PSTPIP1: variants seen among roughly 807,000 people sequenced by gnomAD.
The protein encoded by PSTPIP1 is proline-serine-threonine phosphatase interacting protein 1, also known as proline-serine-threonine phosphatase-interacting protein 1.
Under a neutral mutation model 69.6 loss-of-function variants are expected in PSTPIP1, and 66 were observed. The ratio of observed to expected loss-of-function variants is 0.95; its 90% CI spans 0.78 to 1.16. PSTPIP1 has a LOEUF of 1.16. Ranked by LOEUF, PSTPIP1 falls within the 50% of genes most tolerant of loss-of-function variation. The probability of loss-of-function intolerance (pLI) is 0.00; values close to 1 mark genes in which losing one functional copy is unlikely to be tolerated. For missense variants in PSTPIP1, 603 were observed against 557.4 expected, an observed-to-expected ratio of 1.08 and a Z score of -0.82; for synonymous variants, 266 against 222.7, an observed-to-expected ratio of 1.19 and a Z score of -1.73.
chr15:77,033,020 C>T, intron 12 of PSTPIP1, 68 bp downstream of exon 12: 2 of 1,449,412 alleles, frequency 1.4e-6, no homozygotes, highest in Non-Finnish European at 9.5e-7. Context: ...CCCTCCTCTG[C>T]ACCTGGCCCT....
At chr15:77,020,941 C>T (rs1476632240) in intron 3 of PSTPIP1, among the ~76,000 whole-genome samples, 2 of 152,140 alleles carry the variant, frequency 1.3e-5, no homozygotes, top group Non-Finnish European at 2.9e-5. Flanking sequence ...TGGTGGCCCA[C>T]CCTCCAGGGC....
rs143536570 is a variant in PSTPIP1, at chr15:77,035,604, T to TG, written c.985+48dup. ...AGGGGACCCCCAAACACACTGATCC[T>TG]GGGGGGGAGGAGAGGTCTCCCACAT... On this transcript the variant is annotated intron_variant, in intron 13 of 14. Transcript: ENST00000558012. The TG allele has an allele frequency of 1.4e-4, 224 of 1,546,732 alleles. 1 individual carries two copies. Among genetic ancestry groups the TG allele is most frequent in the South Asian group, 6.1e-4 (52 of 84,558 alleles).
Position 77,032,892 on chromosome 15 carries a change from G to C in PSTPIP1, c.869G>C (p.Arg290Pro), listed in dbSNP as rs761580488. 6.2e-7 allele frequency: 1 copy of C among 1,602,630 alleles called. No individual in the cohort carries two copies. The highest frequency in any genetic ancestry group is 8.5e-7 in the Non-Finnish European group (1 of 1,175,254). Residue 290 changes from arginine (R) to proline (P), a missense_variant, in exon 12 of 15, where the codon CGG becomes CCG. By Grantham distance (103) the Arg-to-Pro change is moderately radical. Coordinates refer to ENST00000558012, the MANE Select transcript of PSTPIP1 (RefSeq NM_003978.5). ...GTGCCCTACCAGAACTATTACGATC[G>C]GGAGGTCACCCCGCTGACCAGCAGC... ...APVPYQNYYDREVTPLTSSPG... is the reference protein window; with the variant it reads ...APVPYQNYYDPEVTPLTSSPG...
At chr15:77,030,453 G>A in intron 8 of PSTPIP1, 49 bp from the exon 9 acceptor site, 1 of 1,578,562 alleles carries the variant, frequency 6.3e-7, no homozygotes, top group Non-Finnish European at 8.6e-7. Context: ...GAGTACAGGG[G>A]TGGAGGAGCT....
intron 1 of PSTPIP1, among the ~76,000 whole-genome samples, chr15:77,014,783 G>C (rs1465080211): frequency 6.6e-6 from 1 of 152,240 alleles, no homozygotes; most frequent in Non-Finnish European, 1.5e-5. Context: ...CCAGTAGGCT[G>C]TCCCTGACAG....
chr15:77,004,908 A>G (rs543647921), intron 1 of PSTPIP1, among the ~76,000 whole-genome samples: 8 of 152,134 alleles, frequency 5.3e-5, no homozygotes, highest in Non-Finnish European at 1.0e-4. Flanking sequence ...AAAGAGAAGC[A>G]GAGAGCCAGA....
At chr15:77,003,056 A>G (rs1296455984) in intron 1 of PSTPIP1, among the ~76,000 whole-genome samples, 1 of 152,230 alleles carries the variant, frequency 6.6e-6, no homozygotes, top group Non-Finnish European at 1.5e-5. Context: ...AAGGGAAGGC[A>G]CGAGCTGGAT....
intron 8 of PSTPIP1, 94 bp downstream of exon 8, chr15:77,029,668 C>A (rs998022778): frequency 2.2e-6 from 3 of 1,360,122 alleles, no homozygotes; most frequent in Non-Finnish European, 2.0e-6. Context: ...ACACACTCCC[C>A]CTGGCTGCAC....
Position 77,037,318 on chromosome 15 carries a change from G to A in PSTPIP1, c.*142G>A. On this transcript the variant is annotated 3_prime_UTR_variant, in exon 15 of 15. Transcript: ENST00000558012. ...CTGTCGTCTCCCAGGGAATAAAGGAGTGCGTTCTGTTCTCCTTGGTGTGCT... is the reference window on the plus strand; with the variant it reads ...CTGTCGTCTCCCAGGGAATAAAGGAATGCGTTCTGTTCTCCTTGGTGTGCT... The A allele has an allele frequency of 8.8e-7, 1 of 1,133,020 alleles. No homozygotes were observed. The highest frequency in any genetic ancestry group is 1.2e-6 in the Non-Finnish European group (1 of 822,404). 70.2% of individuals were successfully genotyped at this position (1,133,020 alleles called of 1,614,324 possible).
At chr15:76,999,122 G>T (rs1032255595) in intron 1 of PSTPIP1, among the ~76,000 whole-genome samples, 2 of 152,162 alleles carry the variant, frequency 1.3e-5, no homozygotes, top group African/African-American at 4.8e-5. Flanking sequence ...TCCACTCCCA[G>T]CAGGTGGCCA....
intron 3 of PSTPIP1, among the ~76,000 whole-genome samples, chr15:77,019,664 A>G (rs34192860): frequency 0.58 from 88,490 of 152,040 alleles, 28,454 homozygotes; most frequent in Middle Eastern, 0.74. Flanking sequence ...TAGCCTCTCC[A>G]AGTTTGTTTC....
intron 1 of PSTPIP1, among the ~76,000 whole-genome samples, chr15:77,005,675 G>A (rs377073641): frequency 3.3e-4 from 50 of 152,180 alleles, no homozygotes; most frequent in African/African-American, 1.1e-3. Context: ...GTTCTACCTC[G>A]ATTCTACTTT....
chr15:77,037,271 TC>T lies in PSTPIP1; in HGVS notation c.*100del. Reference sequence around the variant, plus strand: ...CCTTGCTAGGGCCCAGAACCAAGCGTCCCCCAGCCCCGAGAGGGAGCCTGTC... The same window carrying T: ...CCTTGCTAGGGCCCAGAACCAAGCGTCCCCAGCCCCGAGAGGGAGCCTGTC... On this transcript the variant is annotated 3_prime_UTR_variant, in exon 15 of 15. Transcript: ENST00000558012. 2 of 1,466,144 alleles carry T rather than the reference TC, an allele frequency of 1.4e-6. No individual in the cohort carries two copies. The highest frequency in any genetic ancestry group is 9.2e-7 in the Non-Finnish European group (1 of 1,092,478). 90.8% of individuals were successfully genotyped at this position (1,466,144 alleles called of 1,614,324 possible).
chr15:77,025,230 T>C (rs1318953304), intron 3 of PSTPIP1, 54 bp from the exon 4 acceptor site: 1 of 1,552,484 alleles, frequency 6.4e-7, no homozygotes, highest in Non-Finnish European at 8.9e-7. Flanking sequence ...CAGCCTGGAC[T>C]GTAGGTTCCC....
intron 5 of PSTPIP1, chr15:77,026,107 C>T (rs1186273072): frequency 2.2e-6 from 1 of 456,218 alleles, no homozygotes; most frequent in Admixed American, 2.3e-5. Context: ...ACTTCTCACC[C>T]ATATGTAGGG....
intron 3 of PSTPIP1, 110 bp from the exon 4 acceptor site, chr15:77,025,174 T>C (rs934226310): frequency 1.1e-4 from 142 of 1,254,532 alleles, no homozygotes; most frequent in Non-Finnish European, 1.6e-4. Flanking sequence ...CCCAGGGTCT[T>C]CCCACCAAAA....
At chr15:77,008,117 A>G (rs1212346279) in intron 1 of PSTPIP1, 2 of 453,810 alleles carry the variant, frequency 4.4e-6, no homozygotes, top group Non-Finnish European at 8.8e-6. Flanking sequence ...AGTCTGGATC[A>G]GTGTCCCTGG....
At chr15:77,018,368 T>C in intron 2 of PSTPIP1, 89 bp from the exon 3 acceptor site, 1 of 1,538,992 alleles carries the variant, frequency 6.5e-7, no homozygotes, top group Non-Finnish European at 8.8e-7. Flanking sequence ...CGCCCTGCTT[T>C]AAAAAACTCT....
At chr15:77,016,250 C>CG (rs1024652672) in intron 1 of PSTPIP1, among the ~76,000 whole-genome samples, 6 of 152,132 alleles carry the variant, frequency 3.9e-5, no homozygotes, top group Non-Finnish European at 7.4e-5. Flanking sequence ...GTTCTCAGGG[C>CG]GGGGGGGTCT....
Sources: allele counts gnomAD v4.1 joint callset (sites outside exome capture counted in the v4.1 genomes callset), GRCh38; gene constraint gnomAD v4.1.1; transcripts MANE v1.5; gene names NCBI Gene and HGNC (gene_info 2026-07-23, HGNC 2026-07-21).